The following BRAP variants were observed in gnomAD, a reference collection of about 807,000 sequenced individuals.
The protein encoded by BRAP is BRCA1 associated protein, also known as BRCA1-associated protein.
Under a neutral mutation model 73.4 loss-of-function variants are expected in BRAP, and 42 were observed. That is an observed-to-expected ratio of 0.57 (90% CI 0.45 to 0.74). BRAP has a LOEUF of 0.74. Among genes scored for constraint, BRAP ranks in the 30% least tolerant of loss-of-function variants. BRAP has a pLI of 0.00. For missense variants in BRAP, 593 were observed against 751.4 expected, an observed-to-expected ratio of 0.79 and a Z score of 2.46; for synonymous variants, 255 against 267.4, an observed-to-expected ratio of 0.95 and a Z score of 0.45.
chr12:111,645,357 G>A (rs187799902), intron 11 of BRAP, among the ~76,000 whole-genome samples: 84 of 152,284 alleles, frequency 5.5e-4, no homozygotes, highest in African/African-American at 2.0e-3. Context: ...GTGAGCCACC[G>A]CGTCCAGCCC....
At chr12:111,656,115 G>A (rs529705745) in intron 9 of BRAP, among the ~76,000 whole-genome samples, 1 of 152,322 alleles carries the variant, frequency 6.6e-6, no homozygotes, top group East Asian at 1.9e-4. Flanking sequence ...CTGTCTCCCT[G>A]ACTGGACTGT....
rs1211261380 is a variant in BRAP, at chr12:111,642,518, G to C, written c.*1681C>G. On this transcript the variant is annotated 3_prime_UTR_variant, in exon 12 of 12. Transcript: ENST00000419234. ...GAGAAATGAGGAGTGAGCGAGCTTT[G>C]TAAACTACTTCTAATTCTCTTCATT... is the stretch of plus-strand genomic sequence containing the variant. 1 of 152,110 alleles carries C rather than the reference G, an allele frequency of 6.6e-6. No individual in the cohort carries two copies. The highest frequency in any genetic ancestry group is 2.4e-5 in the African/African-American group (1 of 41,412). 9.4% of individuals were successfully genotyped at this position (152,110 alleles called of 1,614,324 possible). A position where few individuals can be genotyped will look rare whatever the true frequency, so the allele number is the denominator to read the frequency against.
At position 111,665,519 on chromosome 12, in the gene BRAP, A is replaced by T; in HGVS notation, c.896+120T>A. 1 of 1,387,080 alleles carries T rather than the reference A, an allele frequency of 7.2e-7. No homozygotes were observed. Among genetic ancestry groups the T allele is most frequent in the Non-Finnish European group, 9.7e-7 (1 of 1,026,220 alleles). 85.9% of individuals were successfully genotyped at this position (1,387,080 alleles called of 1,614,324 possible). A position where few individuals can be genotyped will look rare whatever the true frequency, so the allele number is the denominator to read the frequency against. On this transcript the variant is annotated intron_variant, in intron 6 of 11. Coordinates refer to ENST00000419234, the MANE Select transcript of BRAP (RefSeq NM_006768.5). The surrounding 1 kb of genome is among the most constrained non-coding windows in gnomAD (Gnocchi z 4.3). ...CCTGAACTTAGGAAAGGGAAGGAGA[A>T]AAAGGACCTCTTGAATAAAGTCAAA...
intron 9 of BRAP, 35 bp downstream of exon 9, chr12:111,658,701 A>C (rs771155071): frequency 1.5e-6 from 2 of 1,379,064 alleles, no homozygotes; most frequent in South Asian, 2.4e-5. Context: ...AGAGCAGTAG[A>C]AACAGATAGA....
intron 10 of BRAP, among the ~76,000 whole-genome samples, chr12:111,654,646 G>T (rs1886451464): frequency 1.3e-5 from 2 of 152,266 alleles, no homozygotes; most frequent in South Asian, 4.1e-4. Flanking sequence ...AATTTTTACA[G>T]ACCTTGATTT....
chr12:111,650,371 T>C (rs1886271654), intron 10 of BRAP, among the ~76,000 whole-genome samples: 2 of 152,176 alleles, frequency 1.3e-5, no homozygotes, highest in South Asian at 4.1e-4. Flanking sequence ...GTTCAAGCAA[T>C]TATCCTGCCT....
chr12:111,660,542 G>A (rs1886706909), intron 7 of BRAP, 58 bp downstream of exon 7: 2 of 1,453,734 alleles, frequency 1.4e-6, no homozygotes, highest in Middle Eastern at 1.8e-4. Context: ...CCAGGCAGAA[G>A]AAAACTCATG....
intron 6 of BRAP, among the ~76,000 whole-genome samples, chr12:111,661,928 C>T (rs1886769703): frequency 6.6e-6 from 1 of 151,918 alleles, no homozygotes; most frequent in Admixed American, 6.6e-5. Context: ...GCCATGCTGG[C>T]CTCCCAAAGT....
At chr12:111,676,968 TA>T (rs1887406817) in intron 4 of BRAP, among the ~76,000 whole-genome samples, 1 of 152,170 alleles carries the variant, frequency 6.6e-6, no homozygotes, top group African/African-American at 2.4e-5. Context: ...GATACCAAGA[TA>T]AAGGGTTCTA....
chr12:111,683,592 G>A (rs1260844959), intron 1 of BRAP, among the ~76,000 whole-genome samples: 3 of 152,150 alleles, frequency 2.0e-5, no homozygotes, highest in African/African-American at 4.8e-5. Flanking sequence ...CCAGGCTGGA[G>A]TGCAGTGGTG....
At position 111,649,989 on chromosome 12, in the gene BRAP, T is replaced by C; in HGVS notation, c.1365A>G (p.Leu455=). Reference sequence around the variant, plus strand: ...TTAGGAGATCATTTAGTTTGTGCTCTAGATTATCACACTTCTCAATTGTTT... The same window carrying C: ...TTAGGAGATCATTTAGTTTGTGCTCCAGATTATCACACTTCTCAATTGTTT... ...FKETIEKCDN[L]EHKLNDLLKE... is the part of the protein sequence containing the mutation. Residue 455 remains leucine (L), a synonymous_variant, in exon 11 of 12, where the codon CTA becomes CTG. Transcript: ENST00000419234. 6.2e-7 allele frequency: 1 copy of C among 1,612,508 alleles called. No homozygotes were observed. The highest frequency in any genetic ancestry group is 8.5e-7 in the Non-Finnish European group (1 of 1,178,832).
chr12:111,679,846 CAGCCTGGGCCACAG>C (rs1250777896), intron 3 of BRAP, among the ~76,000 whole-genome samples: 1 of 137,586 alleles, frequency 7.3e-6, no homozygotes, highest in Admixed American at 7.7e-5. Flanking sequence ...CATTGCACTC[CAGCCTGGGCCACAG>C]AGCAAGACTC....
At position 111,676,444 on chromosome 12, in the gene BRAP, C is replaced by T. The variant is rs139816142; in HGVS notation, c.633+2707G>A. On this transcript the variant is annotated intron_variant, in intron 4 of 11. Coordinates refer to ENST00000419234, the MANE Select transcript of BRAP (RefSeq NM_006768.5). Reference sequence around the variant, plus strand: ...CATTTTTTTTTTTGAGACAGAGTCTCGCTCTGTTGCCCAGGCTGGAGTACA... The same window carrying T: ...CATTTTTTTTTTTGAGACAGAGTCTTGCTCTGTTGCCCAGGCTGGAGTACA... 1.7e-4 allele frequency among the ~76,000 whole-genome samples: 26 copies of T among 150,846 alleles called. 1 individual carries two copies. Among genetic ancestry groups the T allele is most frequent in the African/African-American group, 5.6e-4 (23 of 41,066 alleles).
chr12:111,670,365 T>A (rs1327088207), intron 5 of BRAP: 1 of 400,388 alleles, frequency 2.5e-6, no homozygotes, highest in Admixed American at 3.5e-5. Flanking sequence ...TTCTCTCCCA[T>A]CCAACATTTT....
At chr12:111,675,648 A>G (rs977419813) in intron 4 of BRAP, among the ~76,000 whole-genome samples, 3 of 151,826 alleles carry the variant, frequency 2.0e-5, no homozygotes, top group Non-Finnish European at 2.9e-5. Context: ...AAATGTTTGC[A>G]TTGTGTGGAC....
At chr12:111,672,129 G>A (rs1472873934) in intron 5 of BRAP, among the ~76,000 whole-genome samples, 1 of 152,086 alleles carries the variant, frequency 6.6e-6, no homozygotes, top group Non-Finnish European at 1.5e-5. Context: ...TGCTTGAACT[G>A]GAGAGACAGA....
intron 11 of BRAP, among the ~76,000 whole-genome samples, chr12:111,645,257 C>T (rs1313168837): frequency 6.6e-6 from 1 of 151,396 alleles, no homozygotes. Flanking sequence ...TTAGTAGCGA[C>T]GGGGTTTCAC....
chr12:111,684,703 T>C (rs990602773), intron 1 of BRAP, among the ~76,000 whole-genome samples: 7 of 151,884 alleles, frequency 4.6e-5, no homozygotes, highest in Non-Finnish European at 7.4e-5. Context: ...ACTTTATCTC[T>C]TGTCGCCCAG....
intron 5 of BRAP, 50 bp downstream of exon 5, chr12:111,672,605 CAATTTT>C: frequency 6.7e-7 from 1 of 1,488,980 alleles, no homozygotes; most frequent in Non-Finnish European, 9.2e-7. Context: ...CCTTAGCATT[CAATTTT>C]ACACCAATCT....
Sources: gnomAD v4.1 joint callset for allele counts (sites outside exome capture counted in the v4.1 genomes callset) on GRCh38, gnomAD v4.1.1 for gene constraint, Gnocchi (gnomAD v3.1) non-coding constraint, MANE v1.5 for transcripts, NCBI Gene and HGNC (gene_info 2026-07-23, HGNC 2026-07-21) for gene names.